Variants in GCH1 observed in about 807,000 individuals in gnomAD.
The protein encoded by GCH1 is GTP cyclohydrolase I.
A neutral mutation model predicts 25.9 loss-of-function variants in GCH1; 5 were observed. The ratio of observed to expected loss-of-function variants is 0.19; its 90% CI spans 0.10 to 0.41. The LOEUF (loss-of-function observed/expected upper bound fraction) is 0.41, where lower values mean the gene tolerates loss of function less well. GCH1 is among the 10% of genes least tolerant of loss of function. The pLI is 1.00. For synonymous variants in GCH1, 159 were observed against 129.6 expected, an observed-to-expected ratio of 1.23 and a Z score of -1.54; for missense variants, 261 against 336.5, an observed-to-expected ratio of 0.78 and a Z score of 1.75.
At chr14:54,882,114 T>C (rs2040280984) in intron 1 of GCH1, among the ~76,000 whole-genome samples, 1 of 152,232 alleles carries the variant, frequency 6.6e-6, no homozygotes, top group Admixed American at 6.5e-5. Context: ...CCCTCCACCC[T>C]GATGCAATTA....
At chr14:54,873,487 C>T (rs1463085195) in intron 1 of GCH1, among the ~76,000 whole-genome samples, 2 of 152,048 alleles carry the variant, frequency 1.3e-5, no homozygotes, top group Admixed American at 1.3e-4. Flanking sequence ...CAAGAAATAA[C>T]TAAGATCAGA....
At chr14:54,900,872 C>CACACACAT (rs1426244711) in intron 1 of GCH1, among the ~76,000 whole-genome samples, 3 of 150,902 alleles carry the variant, frequency 2.0e-5, no homozygotes, top group Non-Finnish European at 4.4e-5. Flanking sequence ...CACACACACA[C>CACACACAT]ACACACACAC....
chr14:54,879,984 C>CAA (rs35476604), intron 1 of GCH1, among the ~76,000 whole-genome samples: 12 of 49,586 alleles, frequency 2.4e-4, no homozygotes, highest in African/African-American at 4.7e-4. Flanking sequence ...GGCTCTGTCT[C>CAA]AAAAAAAAAA....
chr14:54,896,468 T>C (rs1230341974), intron 1 of GCH1, among the ~76,000 whole-genome samples: 1 of 138,154 alleles, frequency 7.2e-6, no homozygotes, highest in Non-Finnish European at 1.5e-5. Context: ...TTTAATTATA[T>C]ATCTCTTTAA....
intron 3 of GCH1, among the ~76,000 whole-genome samples, chr14:54,849,150 T>C (rs1253239669): frequency 6.6e-6 from 1 of 152,238 alleles, no homozygotes; most frequent in Non-Finnish European, 1.5e-5. Flanking sequence ...GCTGCTCTCA[T>C]GGCAGGAGGA....
At chr14:54,851,788 G>T (rs530731187) in intron 3 of GCH1, among the ~76,000 whole-genome samples, 1 of 152,292 alleles carries the variant, frequency 6.6e-6, no homozygotes, top group South Asian at 2.1e-4. Context: ...CTGTAAACTA[G>T]TTCAACCATT....
intron 1 of GCH1, among the ~76,000 whole-genome samples, chr14:54,888,295 G>A (rs972061255): frequency 2.0e-5 from 3 of 152,106 alleles, no homozygotes; most frequent in Non-Finnish European, 4.4e-5. Context: ...GTCAGCTGCT[G>A]GAAGTCAACA....
chr14:54,902,005 CGA>C (rs992469347), intron 1 of GCH1, among the ~76,000 whole-genome samples: 8 of 152,182 alleles, frequency 5.3e-5, no homozygotes, highest in African/African-American at 1.9e-4. Context: ...GGCGCTCAGG[CGA>C]GAGGGCTCCG....
chr14:54,891,278 T>C (rs546893101), intron 1 of GCH1, among the ~76,000 whole-genome samples: 1 of 151,160 alleles, frequency 6.6e-6, no homozygotes, highest in South Asian at 2.1e-4. Context: ...AATTTTTTTG[T>C]ATTTTTAGTA....
At chr14:54,852,854 G>A (rs1017302808) in intron 3 of GCH1, among the ~76,000 whole-genome samples, 1 of 152,132 alleles carries the variant, frequency 6.6e-6, no homozygotes, top group Non-Finnish European at 1.5e-5. Flanking sequence ...GTACTCCTTG[G>A]AACTTCATCT....
At chr14:54,868,195 C>G (rs1051264704) in intron 1 of GCH1, among the ~76,000 whole-genome samples, 8 of 152,148 alleles carry the variant, frequency 5.3e-5, no homozygotes, top group African/African-American at 1.2e-4. Flanking sequence ...GGGAGGATCA[C>G]TTGAGCCCAG....
At chr14:54,862,722 T>C (rs2039922607) in intron 2 of GCH1, among the ~76,000 whole-genome samples, 1 of 151,492 alleles carries the variant, frequency 6.6e-6, no homozygotes, top group South Asian at 2.1e-4. Flanking sequence ...CCCAAAGTGT[T>C]GAGATTACTG....
intron 3 of GCH1, among the ~76,000 whole-genome samples, chr14:54,855,332 C>G (rs1302408311): frequency 6.6e-6 from 1 of 151,752 alleles, no homozygotes; most frequent in Non-Finnish European, 1.5e-5. Context: ...ATGTTGAAAC[C>G]CCATCTCTAC....
At chr14:54,872,871 C>T (rs996731839) in intron 1 of GCH1, among the ~76,000 whole-genome samples, 203 of 152,088 alleles carry the variant, frequency 1.3e-3, no homozygotes, top group African/African-American at 4.7e-3. Context: ...TAGAGACCTA[C>T]AAAGAGACTT....
chr14:54,852,473 T>C (rs1358455473), intron 3 of GCH1, among the ~76,000 whole-genome samples: 1 of 152,126 alleles, frequency 6.6e-6, no homozygotes, highest in Non-Finnish European at 1.5e-5. Flanking sequence ...CCACCTACTC[T>C]CACTCAGACT....
chr14:54,896,885 C>G (rs1443960827), intron 1 of GCH1, among the ~76,000 whole-genome samples: 1 of 145,508 alleles, frequency 6.9e-6, no homozygotes, highest in Non-Finnish European at 1.5e-5. Context: ...CGCCACTGCA[C>G]TCCAGCCTGG....
At chr14:54,896,179 C>T (rs1392101601) in intron 1 of GCH1, among the ~76,000 whole-genome samples, 2 of 152,138 alleles carry the variant, frequency 1.3e-5, no homozygotes, top group African/African-American at 4.8e-5. Context: ...GATATAAAGT[C>T]CTGTATCCTG....
chr14:54,850,163 A>G (rs1192169355), intron 3 of GCH1, among the ~76,000 whole-genome samples: 1 of 152,112 alleles, frequency 6.6e-6, no homozygotes, highest in African/African-American at 2.4e-5. Flanking sequence ...TAGTAGAGAC[A>G]GGGTTTCACC....
At chr14:54,896,935 AAAG>A (rs1010791116) in intron 1 of GCH1, among the ~76,000 whole-genome samples, 8 of 151,040 alleles carry the variant, frequency 5.3e-5, no homozygotes, top group East Asian at 1.9e-4. Context: ...AAAAAAAACA[AAAG>A]AAGAAGTTTC....
Sources: gnomAD v4.1 joint callset for allele counts (sites outside exome capture counted in the v4.1 genomes callset) on GRCh38, gnomAD v4.1.1 for gene constraint, MANE v1.5 for transcripts, NCBI Gene and HGNC (gene_info 2026-07-23, HGNC 2026-07-21) for gene names.